NAV3: variants seen among roughly 807,000 people sequenced by gnomAD.
NAV3 encodes neuron navigator 3, also known as pore membrane and/or filament interacting like protein 1.
Under a neutral mutation model 244.7 loss-of-function variants are expected in NAV3, and 87 were observed. The observed-to-expected ratio is 0.36, with a 90% CI of 0.30 to 0.42. The LOEUF (loss-of-function observed/expected upper bound fraction) is 0.42, where lower values mean the gene tolerates loss of function less well. Among genes scored for constraint, NAV3 ranks in the 20% least tolerant of loss-of-function variants. The probability of loss-of-function intolerance (pLI) is 1.00; values close to 1 mark genes in which losing one functional copy is unlikely to be tolerated. For missense variants in NAV3, 2,663 were observed against 2,893.3 expected (o/e 0.92, Z 1.83); for synonymous variants, 1,126 against 1,042.2 (o/e 1.08, Z -1.55).
chr12:78,181,125 T>C, intron 30 of NAV3, 80 bp downstream of exon 30: 1 of 1,286,424 alleles, frequency 7.8e-7, no homozygotes, highest in South Asian at 1.3e-5. Flanking sequence ...TGGAGAACTT[T>C]ACGTACTCTT....
chr12:77,580,953 T>C (rs906590995), intron 2 of NAV3, among the ~76,000 whole-genome samples: 8 of 152,208 alleles, frequency 5.3e-5, no homozygotes, highest in Admixed American at 3.9e-4. Flanking sequence ...TCAAGGTATT[T>C]AGTAGCATAG....
rs574391125 is a variant in NAV3 at position 78,122,454 on chromosome 12, A to G, written c.4238+26A>G. 2.5e-5 allele frequency: 39 copies of G among 1,551,432 alleles called. 1 individual carries two copies. In the South Asian group the frequency reaches 3.7e-4, roughly 15 times the overall value. On this transcript the variant is annotated intron_variant, in intron 16 of 39. Coordinates refer to ENST00000397909, the MANE Select transcript of NAV3 (RefSeq NM_001024383.2). ...GTGAGCTTTCCTGGAGGCATTGATA[A>G]CATCTTCCCCCTCTTCCCTGCACTA...
chr12:78,155,301 G>T (rs1957259033), intron 22 of NAV3, among the ~76,000 whole-genome samples: 1 of 152,036 alleles, frequency 6.6e-6, no homozygotes. Flanking sequence ...GTGTTAGTTT[G>T]CTGAGGATAA....
intron 5 of NAV3, among the ~76,000 whole-genome samples, chr12:77,988,614 A>C (rs1870941463): frequency 6.6e-6 from 1 of 152,134 alleles, no homozygotes; most frequent in African/African-American, 2.4e-5. Flanking sequence ...CAAAATGTTT[A>C]CTTCTTTTGT....
Position 78,205,955 on chromosome 12 carries a change from A to C in NAV3, c.7038+817A>C, listed in dbSNP as rs76295422. 3.9e-3 allele frequency among the ~76,000 whole-genome samples: 593 copies of C among 152,224 alleles called. 5 individuals carry two copies. Among genetic ancestry groups the C allele is most frequent in the African/African-American group, 0.013 (558 of 41,544 alleles). On this transcript the variant is annotated intron_variant, in intron 39 of 39. Coordinates refer to ENST00000397909, the MANE Select transcript of NAV3 (RefSeq NM_001024383.2). ...TAATTAAAAATCATAACCTATGGCTATACCTAAGGATATAAAATTACTTGA... is the reference window on the plus strand; with the variant it reads ...TAATTAAAAATCATAACCTATGGCTCTACCTAAGGATATAAAATTACTTGA...
intron 39 of NAV3, among the ~76,000 whole-genome samples, chr12:78,208,610 T>A (rs1960576913): frequency 6.6e-6 from 1 of 152,206 alleles, no homozygotes; most frequent in Non-Finnish European, 1.5e-5. Context: ...ATACATTTAT[T>A]ATGAATCTGA....
intron 2 of NAV3, among the ~76,000 whole-genome samples, chr12:77,752,944 G>T (rs975968653): frequency 6.6e-6 from 1 of 152,106 alleles, no homozygotes; most frequent in Non-Finnish European, 1.5e-5. Flanking sequence ...TTACCATATA[G>T]TTCTAACTTA....
chr12:77,814,490 G>GTTGT, intron 2 of NAV3, among the ~76,000 whole-genome samples: 1 of 152,240 alleles, frequency 6.6e-6, no homozygotes, highest in East Asian at 1.9e-4. Flanking sequence ...CAACAATAAG[G>GTTGT]AGAGGAGGTT....
intron 1 of NAV3, among the ~76,000 whole-genome samples, chr12:77,915,844 ACC>A (rs1887090015): frequency 6.6e-6 from 1 of 151,964 alleles, no homozygotes; most frequent in Admixed American, 6.6e-5. Context: ...ATTTCCTGTG[ACC>A]TAGACCCTGT....
chr12:77,669,706 T>C (rs1873875634), intron 2 of NAV3, among the ~76,000 whole-genome samples: 1 of 152,102 alleles, frequency 6.6e-6, no homozygotes, highest in Non-Finnish European at 1.5e-5. Flanking sequence ...TATAAAACAA[T>C]TACTACTAGA....
chr12:77,959,064 C>T (rs528676684), intron 3 of NAV3, among the ~76,000 whole-genome samples: 1 of 152,082 alleles, frequency 6.6e-6, no homozygotes, highest in Non-Finnish European at 1.5e-5. Context: ...ATGTATTACT[C>T]TAGTGTGAAC....
intron 31 of NAV3, among the ~76,000 whole-genome samples, chr12:78,186,704 T>TGAAATG (rs1231467173): frequency 6.6e-6 from 1 of 151,922 alleles, no homozygotes; most frequent in Non-Finnish European, 1.5e-5. Context: ...AAAGCTTCCA[T>TGAAATG]GAAAGTACTT....
intron 1 of NAV3, among the ~76,000 whole-genome samples, chr12:77,910,148 G>C (rs1041596454): frequency 6.6e-6 from 1 of 151,968 alleles, no homozygotes; most frequent in African/African-American, 2.4e-5. Flanking sequence ...ATTTGAGACC[G>C]GGTAATTTAT....
intron 1 of NAV3, among the ~76,000 whole-genome samples, chr12:77,866,770 T>A (rs1592830045): frequency 6.6e-6 from 1 of 152,230 alleles, no homozygotes; most frequent in East Asian, 1.9e-4. Flanking sequence ...TGGAAATAAA[T>A]CCTCTTATCA....
intron 7 of NAV3, among the ~76,000 whole-genome samples, chr12:78,005,548 G>A (rs1376672545): frequency 6.6e-6 from 1 of 152,190 alleles, no homozygotes; most frequent in Non-Finnish European, 1.5e-5. Flanking sequence ...TGTATCACAT[G>A]TGCATTTAAC....
At chr12:77,625,706 A>T (rs1042397529) in intron 2 of NAV3, among the ~76,000 whole-genome samples, 5 of 152,202 alleles carry the variant, frequency 3.3e-5, no homozygotes, top group Admixed American at 3.3e-4. Flanking sequence ...AGCAGAAGAA[A>T]TCATATGGAG....
chr12:78,142,729 G>A (rs1468559310), intron 20 of NAV3, among the ~76,000 whole-genome samples: 9 of 71,656 alleles, frequency 1.3e-4, no homozygotes, highest in African/African-American at 4.5e-4. Context: ...ATATATGTGT[G>A]TGTGTGTGTA....
At chr12:77,986,879 A>T (rs1361698468) in intron 5 of NAV3, among the ~76,000 whole-genome samples, 1 of 152,154 alleles carries the variant, frequency 6.6e-6, no homozygotes, top group Non-Finnish European at 1.5e-5. Context: ...TAGAAAAAAA[A>T]TGTTCCATGA....
At chr12:77,608,250 A>C (rs1870757902) in intron 2 of NAV3, among the ~76,000 whole-genome samples, 1 of 152,116 alleles carries the variant, frequency 6.6e-6, no homozygotes, top group Non-Finnish European at 1.5e-5. Flanking sequence ...TGTTATTCAA[A>C]CATTCTTCTT....
Sources: gnomAD v4.1 joint callset for allele counts (sites outside exome capture counted in the v4.1 genomes callset) on GRCh38, gnomAD v4.1.1 for gene constraint, MANE v1.5 for transcripts, NCBI Gene and HGNC (gene_info 2026-07-23, HGNC 2026-07-21) for gene names.